ZNF227: variants seen among roughly 807,000 people sequenced by gnomAD.
ZNF227 encodes zinc finger protein 227.
Under a neutral mutation model 13.2 loss-of-function variants are expected in ZNF227, and 12 were observed. The observed-to-expected ratio is 0.91, with a 90% CI of 0.58 to 1.47. The LOEUF is 1.47. ZNF227 is among the 40% of genes most tolerant of loss of function. The pLI is 0.00. For missense variants in ZNF227, 885 were observed against 967.5 expected, an observed-to-expected ratio of 0.91 and a Z score of 1.13; for synonymous variants, 338 against 326.0, an observed-to-expected ratio of 1.04 and a Z score of -0.40.
At chr19:44,212,366 G>GTT (rs778010029), upstream of ZNF227, among the ~76,000 whole-genome samples, 186 of 108,228 alleles carry the variant, frequency 1.7e-3, 1 homozygote, top group Middle Eastern at 4.4e-3. Flanking sequence ...CGCTCGCTCC[G>GTT]TTTTTTTTTT....
At chr19:44,219,076 G>A (rs938860219) in intron 3 of ZNF227, among the ~76,000 whole-genome samples, 4 of 152,092 alleles carry the variant, frequency 2.6e-5, no homozygotes, top group African/African-American at 7.3e-5. Flanking sequence ...TATTAGAGAC[G>A]GGGTTTCACC....
rs565448202 is a variant in ZNF227, at chr19:44,230,172, T to C, written c.271+356T>C. Among the ~76,000 whole-genome samples, 4 of 152,192 alleles carry C rather than the reference T, an allele frequency of 2.6e-5. No individual in the cohort carries two copies. The South Asian group carries it at 8.3e-4, about 32-fold the overall frequency. On this transcript the variant is annotated intron_variant, in intron 5 of 5. Transcript: ENST00000313040. ...CTAGGACTATAGGTATATATCATGA[T>C]ACCTGGCTAATTTTTTATTTTTTGT...
chr19:44,209,056 C>T (rs1002379902), upstream of ZNF227, among the ~76,000 whole-genome samples: 1 of 152,148 alleles, frequency 6.6e-6, no homozygotes, highest in African/African-American at 2.4e-5. Flanking sequence ...GCTTGGATGA[C>T]AGCGAGACCC....
chr19:44,217,799 T>C lies in ZNF227; in HGVS notation c.7T>C (p.Ser3Pro), dbSNP rs151172615. 3.7e-6 allele frequency: 6 copies of C among 1,614,218 alleles called. No homozygotes were observed. Among genetic ancestry groups the C allele is most frequent in the Non-Finnish European group, 5.1e-6 (6 of 1,180,034 alleles). The change falls in exon 3 of 6, where the codon TCT becomes CCT. Residue 3 changes from serine (S) to proline (P), a missense_variant. Coordinates refer to ENST00000313040, the MANE Select transcript of ZNF227 (RefSeq NM_182490.3). ...TCTTTGGTCTCCCCCAGTTATGCCA[T>C]CTCAGAACTATGACCTTCCCCAGAA... MP[S>P]QNYDLPQKKQ... is the part of the protein sequence containing the mutation.
intron 5 of ZNF227, among the ~76,000 whole-genome samples, chr19:44,231,027 T>G (rs1973777517): frequency 6.7e-6 from 1 of 149,102 alleles, no homozygotes; most frequent in Non-Finnish European, 1.5e-5. Context: ...CCCAGGAATT[T>G]GAGACCAACC....
upstream of ZNF227, among the ~76,000 whole-genome samples, chr19:44,211,543 A>G (rs1290430125): frequency 1.3e-5 from 2 of 152,224 alleles, no homozygotes; most frequent in African/African-American, 4.8e-5. Flanking sequence ...TCAAATTCAG[A>G]AACTCCTTGA....
intron 4 of ZNF227, chr19:44,228,911 C>T (rs1186572936): frequency 1.1e-5 from 4 of 349,614 alleles, no homozygotes; most frequent in Non-Finnish European, 2.0e-5. Flanking sequence ...CAGGACAGTG[C>T]CCCCAACAGA....
upstream of ZNF227, among the ~76,000 whole-genome samples, chr19:44,210,661 G>A (rs1039226230): frequency 2.6e-5 from 4 of 152,174 alleles, no homozygotes; most frequent in African/African-American, 9.7e-5. Context: ...CTTTTTGTAG[G>A]AGTACAAGTA....
At chr19:44,211,958 C>G (rs1971394498), upstream of ZNF227, among the ~76,000 whole-genome samples, 1 of 148,256 alleles carries the variant, frequency 6.7e-6, no homozygotes, top group African/African-American at 2.5e-5. Context: ...TGCAGTGGCA[C>G]GATCTTGGCT....
At chr19:44,210,868 G>A (rs1243609648), upstream of ZNF227, among the ~76,000 whole-genome samples, 3 of 152,184 alleles carry the variant, frequency 2.0e-5, no homozygotes, top group Non-Finnish European at 4.4e-5. Flanking sequence ...ATCCCAAAGA[G>A]TAAACTAGAG....
upstream of ZNF227, among the ~76,000 whole-genome samples, chr19:44,211,087 G>A (rs966091939): frequency 2.0e-5 from 3 of 151,882 alleles, no homozygotes; most frequent in South Asian, 2.1e-4. Context: ...TAACCCCAGC[G>A]ACTTGGGAGG....
intron 3 of ZNF227, among the ~76,000 whole-genome samples, chr19:44,222,053 G>A (rs955977130): frequency 7.2e-5 from 11 of 152,082 alleles, no homozygotes; most frequent in Non-Finnish European, 1.3e-4. Flanking sequence ...TCTCAGGTTT[G>A]TCAAAGATCA....
At chr19:44,209,054 G>A (rs905321665), upstream of ZNF227, among the ~76,000 whole-genome samples, 1 of 152,264 alleles carries the variant, frequency 6.6e-6, no homozygotes, top group Middle Eastern at 3.4e-3. Context: ...CAGCTTGGAT[G>A]ACAGCGAGAC....
chr19:44,228,035 C>T (rs1466560546), intron 3 of ZNF227, among the ~76,000 whole-genome samples: 1 of 152,122 alleles, frequency 6.6e-6, no homozygotes, highest in Non-Finnish European at 1.5e-5. Flanking sequence ...TTGAGACCAG[C>T]CTGGCCAACA....
At chr19:44,222,968 C>G (rs895330913) in intron 3 of ZNF227, among the ~76,000 whole-genome samples, 4 of 151,682 alleles carry the variant, frequency 2.6e-5, no homozygotes, top group African/African-American at 9.7e-5. Flanking sequence ...GAGTTTTTAG[C>G]ATGAAGGGTT....
At chr19:44,228,329 T>C in intron 3 of ZNF227, 117 bp from the exon 4 acceptor site, 1 of 1,183,552 alleles carries the variant, frequency 8.4e-7, no homozygotes. Context: ...GAAAATTGAC[T>C]GAGATCTCTT....
chr19:44,229,051 A>G (rs967002006), intron 4 of ZNF227: 15 of 162,034 alleles, frequency 9.3e-5, no homozygotes, highest in African/African-American at 3.6e-4. Flanking sequence ...CCATCAATGC[A>G]TTAACTTAGT....
chr19:44,230,926 A>AAAAAAAAAAAAAAAAAATATATAT (rs1555792168), intron 5 of ZNF227, among the ~76,000 whole-genome samples: 4 of 68,114 alleles, frequency 5.9e-5, no homozygotes, highest in East Asian at 4.0e-4. Flanking sequence ...AAAAAAAAAA[A>AAAAAAAAAAAAAAAAAATATATAT]ATATATATAT....
chr19:44,216,036 A>G (rs1385925599), intron 2 of ZNF227, among the ~76,000 whole-genome samples: 1 of 151,282 alleles, frequency 6.6e-6, no homozygotes, highest in Admixed American at 6.6e-5. Flanking sequence ...AAAAAAAAAA[A>G]AAAGCTATGT....
Sources: allele counts gnomAD v4.1 joint callset (sites outside exome capture counted in the v4.1 genomes callset), GRCh38; gene constraint gnomAD v4.1.1; transcripts MANE v1.5; gene names NCBI Gene and HGNC (gene_info 2026-07-23, HGNC 2026-07-21).